Variants in MAK observed in about 807,000 individuals in gnomAD.
MAK encodes the protein male germ cell associated kinase.
In MAK, 65 loss-of-function variants were observed where a neutral mutation model predicts 82.6. That is an observed-to-expected ratio of 0.79 (90% CI 0.64 to 0.97). The LOEUF (loss-of-function observed/expected upper bound fraction) is 0.97, where lower values mean the gene tolerates loss of function less well. Ranked by LOEUF, MAK falls within the 50% of genes least tolerant of loss-of-function variation. MAK has a pLI of 0.00. For synonymous variants in MAK, 250 were observed against 274.2 expected (o/e 0.91, Z 0.87); for missense variants, 703 against 780.2 (o/e 0.90, Z 1.18).
chr6:10,815,051 T>G (rs9467628), intron 4 of MAK, among the ~76,000 whole-genome samples: 26,530 of 149,642 alleles, frequency 0.18, 2,314 homozygotes, highest in Middle Eastern at 0.24. Flanking sequence ...AAAAAAAAAA[T>G]AAAGAAAGAA....
intron 1 of MAK, 137 bp from the exon 2 acceptor site, chr6:10,831,014 G>A (rs1778772262): frequency 3.2e-6 from 1 of 316,374 alleles, no homozygotes; most frequent in South Asian, 2.8e-5. Context: ...TAAGTCATTT[G>A]TCTATGTAAA....
At chr6:10,779,277 A>G (rs1773749055) in intron 11 of MAK, 3 of 936,494 alleles carry the variant, frequency 3.2e-6, no homozygotes, top group Non-Finnish European at 3.8e-6. Context: ...TTTCAATTGC[A>G]TACTGTATTT....
rs972150441 is a variant in MAK at position 10,793,225 on chromosome 6, A to G, written c.1144-1378T>C. Among the ~76,000 whole-genome samples the G allele has an allele frequency of 2.6e-5, 4 of 152,224 alleles. No individual in the cohort carries two copies. The highest frequency in any genetic ancestry group is 7.2e-5 in the African/African-American group (3 of 41,462). On this transcript the variant is annotated intron_variant, in intron 9 of 14. Transcript: ENST00000354489. This position sits in a 1 kb window ranked among gnomAD's most constrained non-coding sequence, Gnocchi z 4.6. ...TTCATAAAAGGCAAACAATGAATTC[A>G]TTCAGTGTAGTGTATGTGGACTTCA...
chr6:10,770,935 A>C (rs1038227796), intron 13 of MAK, among the ~76,000 whole-genome samples: 3 of 152,106 alleles, frequency 2.0e-5, no homozygotes, highest in African/African-American at 7.2e-5. Context: ...AAGGGAACTA[A>C]GCAGGTTCAC....
chr6:10,836,901 C>A (rs1466240790), intron 1 of MAK, among the ~76,000 whole-genome samples: 1 of 151,976 alleles, frequency 6.6e-6, no homozygotes, highest in African/African-American at 2.4e-5. Context: ...AAATAAATAC[C>A]CTTATAATTT....
chr6:10,805,571 G>GAAAA (rs540676488), intron 6 of MAK, among the ~76,000 whole-genome samples: 17 of 126,606 alleles, frequency 1.3e-4, no homozygotes, highest in African/African-American at 4.3e-4. Context: ...TGGGTGACAG[G>GAAAA]AAAAAAAAAA....
At chr6:10,837,352 A>C (rs977096628) in intron 1 of MAK, among the ~76,000 whole-genome samples, 1 of 152,260 alleles carries the variant, frequency 6.6e-6, no homozygotes, top group Non-Finnish European at 1.5e-5. Context: ...CTCTGTGCTC[A>C]TATTCACAAA....
At chr6:10,767,506 C>G (rs1461574262) in intron 14 of MAK, among the ~76,000 whole-genome samples, 1 of 151,988 alleles carries the variant, frequency 6.6e-6, no homozygotes, top group Non-Finnish European at 1.5e-5. Context: ...TTTTCCTTCT[C>G]AAAACTTAAA....
At chr6:10,775,518 C>G (rs1049715065) in intron 11 of MAK, 59 bp from the exon 12 acceptor site, 10 of 1,570,620 alleles carry the variant, frequency 6.4e-6, no homozygotes, top group Non-Finnish European at 7.9e-6. Context: ...TTAAAGGAAA[C>G]TTATGTAATA....
intron 6 of MAK, among the ~76,000 whole-genome samples, chr6:10,808,591 TTGAA>T (rs1258713350): frequency 6.6e-6 from 1 of 152,238 alleles, no homozygotes; most frequent in African/African-American, 2.4e-5. Context: ...TAAATATTTG[TTGAA>T]TGAATGAATG....
intron 5 of MAK, among the ~76,000 whole-genome samples, chr6:10,810,527 A>C (rs1319136905): frequency 6.6e-6 from 1 of 151,718 alleles, no homozygotes; most frequent in African/African-American, 2.4e-5. Flanking sequence ...TTTTAGTAGA[A>C]ACTGGATTTT....
chr6:10,807,678 T>G (rs1776599916), intron 6 of MAK, among the ~76,000 whole-genome samples: 1 of 151,904 alleles, frequency 6.6e-6, no homozygotes, highest in Non-Finnish European at 1.5e-5. Flanking sequence ...GAGTATAATA[T>G]TCACACAGGC....
chr6:10,767,806 A>AAAAAAC lies in MAK; in HGVS notation c.1792+2299_1792+2304dup, dbSNP rs1561926463. 5.0e-3 allele frequency among the ~76,000 whole-genome samples: 646 copies of AAAAAAC among 128,914 alleles called. 5 individuals carry two copies. The highest frequency in any genetic ancestry group is 8.0e-3 in the South Asian group (31 of 3,896). The allele number at this position is 128,914 out of a possible 152,430, so 84.6% of individuals were successfully genotyped here. A position where few individuals can be genotyped will look rare whatever the true frequency, so the allele number is the denominator to read the frequency against. On this transcript the variant is annotated intron_variant, in intron 14 of 14. Transcript: ENST00000354489. Reference sequence around the variant, plus strand: ...ACTTTGTCTCAAAAAAAAAAAAAAAAAAAAACAAAAACAAAAATCTTGAAG... The same window carrying AAAAAAC: ...ACTTTGTCTCAAAAAAAAAAAAAAAAAAAAACAAAAACAAAAACAAAAATCTTGAAG...
At chr6:10,775,047 G>A (rs1202017906) in intron 12 of MAK, among the ~76,000 whole-genome samples, 1 of 152,118 alleles carries the variant, frequency 6.6e-6, no homozygotes. Context: ...CGAACTCCTA[G>A]GCTCAAGGGA....
At chr6:10,825,014 C>G (rs1295335270) in intron 2 of MAK, among the ~76,000 whole-genome samples, 1 of 152,194 alleles carries the variant, frequency 6.6e-6, no homozygotes, top group Non-Finnish European at 1.5e-5. Context: ...AGAGAGACCA[C>G]GTGACCCAAT....
chr6:10,811,910 C>T (rs917102067), intron 5 of MAK, among the ~76,000 whole-genome samples: 2 of 151,988 alleles, frequency 1.3e-5, no homozygotes, highest in African/African-American at 4.8e-5. Flanking sequence ...ATATAAACTA[C>T]AGGAGGAGGA....
At chr6:10,769,064 AT>A (rs1772738963) in intron 14 of MAK, among the ~76,000 whole-genome samples, 1 of 152,238 alleles carries the variant, frequency 6.6e-6, no homozygotes, top group East Asian at 1.9e-4. Context: ...ATTTTTTTTA[AT>A]TAGCTGGGCA....
intron 14 of MAK, among the ~76,000 whole-genome samples, chr6:10,765,315 A>G (rs754256140): frequency 1.3e-5 from 2 of 152,194 alleles, no homozygotes; most frequent in Non-Finnish European, 1.5e-5. Flanking sequence ...TATTGACACA[A>G]TATCACTACA....
intron 13 of MAK, among the ~76,000 whole-genome samples, chr6:10,771,808 C>T (rs1773046285): frequency 6.6e-6 from 1 of 152,228 alleles, no homozygotes; most frequent in Admixed American, 6.5e-5. Flanking sequence ...CAGCTGCCTA[C>T]TTTAACCTTT....
Sources: gnomAD v4.1 joint callset for allele counts (sites outside exome capture counted in the v4.1 genomes callset) on GRCh38, gnomAD v4.1.1 for gene constraint, Gnocchi (gnomAD v3.1) non-coding constraint, MANE v1.5 for transcripts, NCBI Gene and HGNC (gene_info 2026-07-23, HGNC 2026-07-21) for gene names.